The following ARL2 variants were observed in gnomAD, a reference collection of about 807,000 sequenced individuals.
ARL2 encodes ADP-ribosylation factor-like protein 2.
Under a neutral mutation model 22.0 loss-of-function variants are expected in ARL2, and 11 were observed. The ratio of observed to expected loss-of-function variants is 0.50; its 90% CI spans 0.31 to 0.83. ARL2 has a LOEUF of 0.83. Among genes scored for constraint, ARL2 ranks in the 40% least tolerant of loss-of-function variants. The probability of loss-of-function intolerance (pLI) is 0.04; values close to 1 mark genes in which losing one functional copy is unlikely to be tolerated. For synonymous variants in ARL2, 111 were observed against 100.8 expected, an observed-to-expected ratio of 1.10 and a Z score of -0.61; for missense variants, 216 against 243.2, an observed-to-expected ratio of 0.89 and a Z score of 0.74.
chr11:65,020,353 C>A, intron 3 of ARL2, 66 bp from the exon 4 acceptor site: 5 of 1,334,438 alleles, frequency 3.7e-6, no homozygotes, highest in Non-Finnish European at 5.3e-6. Flanking sequence ...ATGCTCTGGG[C>A]CATTAGAGGA....
rs754763307 is a variant in ARL2 at position 65,014,284 on chromosome 11, GA to G, written c.65+13del. 5.2e-5 allele frequency: 81 copies of G among 1,544,152 alleles called. No homozygotes were observed. Among genetic ancestry groups the G allele is most frequent in the Non-Finnish European group, 6.7e-5 (77 of 1,150,734 alleles). On this transcript the variant is annotated intron_variant, in intron 1 of 4. Transcript: ENST00000246747. ...CGACTGCTCATGCTGTATCCTACCG[GA>G]CGCCGGAACCGCGAGGGTGGCGGGG...
rs1946280983 is a variant in ARL2, at chr11:65,018,152, AGTAG to A, written c.66-209_66-206del. ...GCACCCAGAAGAGGGTCTGGCACAT[AGTAG>A]GTGTTCAACAAATTAAGGAGCCTTT... On this transcript the variant is annotated intron_variant, in intron 1 of 4. Transcript: ENST00000246747. The surrounding 1 kb of genome is among the most constrained non-coding windows in gnomAD (Gnocchi z 4.2). Among the ~76,000 whole-genome samples, 1 of 152,212 alleles carries A rather than the reference AGTAG, an allele frequency of 6.6e-6. No homozygotes were observed. Among genetic ancestry groups the A allele is most frequent in the African/African-American group, 2.4e-5 (1 of 41,466 alleles).
At chr11:65,020,655 G>A (rs1946316845) in intron 4 of ARL2, 156 bp downstream of exon 4, 1 of 687,796 alleles carries the variant, frequency 1.5e-6, no homozygotes, top group Non-Finnish European at 2.4e-6. Flanking sequence ...GATCACCTGA[G>A]GTCAGGAGTT....
rs765810555 is a variant in ARL2, at chr11:65,018,875, G to A, written c.339+142G>A. On this transcript the variant is annotated intron_variant, in intron 3 of 4. Coordinates refer to ENST00000246747, the MANE Select transcript of ARL2 (RefSeq NM_001667.4). The surrounding 1 kb of genome is among the most constrained non-coding windows in gnomAD (Gnocchi z 4.2). Reference sequence around the variant, plus strand: ...GGGCCCCCACCATGGGAGGCCCATGGTGCCAGAGGCAGGACACATGCTGTG... The same window carrying A: ...GGGCCCCCACCATGGGAGGCCCATGATGCCAGAGGCAGGACACATGCTGTG... The A allele has an allele frequency of 1.7e-4, 263 of 1,536,748 alleles. No individual in the cohort carries two copies. The highest frequency in any genetic ancestry group is 2.1e-4 in the Non-Finnish European group (237 of 1,147,366).
chr11:65,016,794 G>A (rs1355446573), intron 1 of ARL2, among the ~76,000 whole-genome samples: 1 of 152,134 alleles, frequency 6.6e-6, no homozygotes, highest in East Asian at 1.9e-4. Context: ...CTGTGATCCT[G>A]GATGAGGTCA....
At chr11:65,021,118 C>T (rs889134056) in intron 4 of ARL2, among the ~76,000 whole-genome samples, 1 of 152,168 alleles carries the variant, frequency 6.6e-6, no homozygotes, top group Admixed American at 6.6e-5. Context: ...TTCTCACAAC[C>T]ACCTCATGAG....
chr11:65,017,535 C>A (rs1204905143), intron 1 of ARL2, among the ~76,000 whole-genome samples: 1 of 152,096 alleles, frequency 6.6e-6, no homozygotes, highest in East Asian at 1.9e-4. Flanking sequence ...ACGGCAAGCT[C>A]ATCAGCCAGT....
Position 65,021,890 on chromosome 11 carries a change from TC to T in ARL2, c.*38del. On this transcript the variant is annotated 3_prime_UTR_variant, in exon 5 of 5. Transcript: ENST00000246747. ...GATGCCCCCCACCTAGCAGTCCAGG[TC>T]CCTCAACCTTCACCAAACACTACCC... 1.3e-6 allele frequency: 2 copies of T among 1,596,442 alleles called. No individual in the cohort carries two copies. The highest frequency in any genetic ancestry group is 8.5e-7 in the Non-Finnish European group (1 of 1,170,896).
At chr11:65,015,606 A>G (rs887377790) in intron 1 of ARL2, among the ~76,000 whole-genome samples, 1 of 152,116 alleles carries the variant, frequency 6.6e-6, no homozygotes, top group Non-Finnish European at 1.5e-5. Flanking sequence ...TAGAAAGATG[A>G]TAACACAGGA....
At chr11:65,017,666 G>A (rs1315842295) in intron 1 of ARL2, among the ~76,000 whole-genome samples, 1 of 152,138 alleles carries the variant, frequency 6.6e-6, no homozygotes, top group Non-Finnish European at 1.5e-5. Flanking sequence ...CCCCTCTCCT[G>A]GGCCTAGGTC....
chr11:65,018,462 TGGAGCACCGA>T lies in ARL2; in HGVS notation c.167_176del (p.Glu56AspfsTer4). On this transcript the variant is annotated frameshift_variant and splice_region_variant, in exon 2 of 5. Transcript: ENST00000246747. LOFTEE classifies it high-confidence loss of function. The surrounding 1 kb of genome is among the most constrained non-coding windows in gnomAD (Gnocchi z 4.2). ...ACGCTGGGCTTCAACATCAAGACCC[TGGAGCACCGA>T]GGGTGAGCAGGGGCCCCATGGGAGG... 5.0e-6 allele frequency: 8 copies of T among 1,607,700 alleles called. No homozygotes were observed. The highest frequency in any genetic ancestry group is 6.8e-6 in the Non-Finnish European group (8 of 1,177,354).
chr11:65,018,348 AC>A lies in ARL2; in HGVS notation c.66-14del. ...GGCAGAGAACAGGGACTTCTCCTTAACCTGCTGCGCCCCAGTGGCCTGGACA... is the reference window on the plus strand; with the variant it reads ...GGCAGAGAACAGGGACTTCTCCTTAACTGCTGCGCCCCAGTGGCCTGGACA... On this transcript the variant is annotated splice_polypyrimidine_tract_variant and intron_variant, in intron 1 of 4. Transcript: ENST00000246747. The surrounding 1 kb of genome is among the most constrained non-coding windows in gnomAD (Gnocchi z 4.2). The A allele has an allele frequency of 6.3e-7, 1 of 1,583,134 alleles. No individual in the cohort carries two copies. Among genetic ancestry groups the A allele is most frequent in the Non-Finnish European group, 8.6e-7 (1 of 1,164,634 alleles).
intron 3 of ARL2, among the ~76,000 whole-genome samples, chr11:65,020,199 G>A (rs1359776223): frequency 6.6e-6 from 1 of 152,164 alleles, no homozygotes; most frequent in African/African-American, 2.4e-5. Flanking sequence ...CCTGGGTGGT[G>A]GTTGGCTGGA....
rs931501116 is a variant in ARL2, at chr11:65,021,955, C to A, written c.*100C>A. 34 of 1,466,702 alleles carry A rather than the reference C, an allele frequency of 2.3e-5. No individual in the cohort carries two copies. The highest frequency in any genetic ancestry group is 3.0e-5 in the Non-Finnish European group (33 of 1,089,218). 90.9% of individuals were successfully genotyped at this position (1,466,702 alleles called of 1,614,324 possible). On this transcript the variant is annotated 3_prime_UTR_variant, in exon 5 of 5. Transcript: ENST00000246747. ...AGTCAGCCGGCCAAACTAACACTCC[C>A]CCTCCTCCACCCCAGCCTGCTGCTG...
intron 1 of ARL2, among the ~76,000 whole-genome samples, chr11:65,017,504 CTTT>C (rs569004603): frequency 6.6e-4 from 100 of 152,148 alleles, no homozygotes; most frequent in African/African-American, 2.3e-3. Flanking sequence ...CCTATTTGCT[CTTT>C]TTAAGGTGGG....
chr11:65,020,367 GT>G, intron 3 of ARL2, 51 bp from the exon 4 acceptor site: 1 of 1,473,172 alleles, frequency 6.8e-7, no homozygotes. Context: ...TAGAGGAGGG[GT>G]CAGGCTGTCC....
intron 1 of ARL2, among the ~76,000 whole-genome samples, chr11:65,014,879 C>T (rs961135400): frequency 6.6e-6 from 1 of 152,238 alleles, no homozygotes; most frequent in Non-Finnish European, 1.5e-5. Context: ...TGCCAGGCTC[C>T]GCGGGGGAAT....
intron 1 of ARL2, among the ~76,000 whole-genome samples, chr11:65,016,274 G>T (rs992952488): frequency 4.8e-5 from 7 of 144,562 alleles, no homozygotes; most frequent in East Asian, 2.3e-4. Context: ...AATTCGGGGG[G>T]GGGGGAAACT....
intron 4 of ARL2, 23 bp downstream of exon 4, chr11:65,020,522 G>A: frequency 6.3e-7 from 1 of 1,576,648 alleles, no homozygotes; most frequent in East Asian, 2.3e-5. Flanking sequence ...CCCGGGACAG[G>A]CTCGCTGAGG....
Sources: gnomAD v4.1 joint callset for allele counts (sites outside exome capture counted in the v4.1 genomes callset) on GRCh38, gnomAD v4.1.1 for gene constraint, Gnocchi (gnomAD v3.1) non-coding constraint, MANE v1.5 for transcripts, NCBI Gene and HGNC (gene_info 2026-07-23, HGNC 2026-07-21) for gene names.